Variants in RIPOR1 observed in about 807,000 individuals in gnomAD.
The protein encoded by RIPOR1 is rho family-interacting cell polarization regulator 1.
A neutral mutation model predicts 116.5 loss-of-function variants in RIPOR1; 58 were observed. The observed-to-expected ratio is 0.50, with a 90% CI of 0.40 to 0.62. RIPOR1 has a LOEUF of 0.62. Ranked by LOEUF, RIPOR1 falls within the 20% of genes least tolerant of loss-of-function variation. The pLI, the probability that RIPOR1 is intolerant of heterozygous loss-of-function variation, is 0.00. For missense variants in RIPOR1, 1,372 were observed against 1,586.2 expected (o/e 0.86, Z 2.29); for synonymous variants, 605 against 650.0 (o/e 0.93, Z 1.05).
At chr16:67,522,860 GTTTC>G (rs2050506520) in intron 1 of RIPOR1, among the ~76,000 whole-genome samples, 1 of 151,702 alleles carries the variant, frequency 6.6e-6, no homozygotes, top group Non-Finnish European at 1.5e-5. Flanking sequence ...TTCAGTGACT[GTTTC>G]TTTCCTGTCA....
chr16:67,523,521 T>TAAAA (rs1169903442), intron 1 of RIPOR1, among the ~76,000 whole-genome samples: 6 of 44,060 alleles, frequency 1.4e-4, no homozygotes, highest in South Asian at 1.1e-3. Flanking sequence ...CAAGACTCCA[T>TAAAA]AAAAAAAAAA....
At chr16:67,534,818 T>C (rs2050750040) in intron 1 of RIPOR1, among the ~76,000 whole-genome samples, 1 of 151,276 alleles carries the variant, frequency 6.6e-6, no homozygotes, top group South Asian at 2.1e-4. Flanking sequence ...GGACAGTTTC[T>C]AGGGTTTTCT....
intron 1 of RIPOR1, among the ~76,000 whole-genome samples, chr16:67,522,960 A>G (rs368507858): frequency 6.6e-6 from 1 of 151,998 alleles, no homozygotes; most frequent in South Asian, 2.1e-4. Flanking sequence ...CCACCACTCC[A>G]AACCACATTA....
intron 1 of RIPOR1, among the ~76,000 whole-genome samples, chr16:67,520,464 A>AG (rs56027612): frequency 2.0e-5 from 3 of 151,724 alleles, no homozygotes; most frequent in African/African-American, 7.3e-5. Flanking sequence ...AGAGAAGAGA[A>AG]AAAAGAAAAG....
Position 67,541,246 on chromosome 16 carries a change from T to C in RIPOR1, c.802-184T>C. On this transcript the variant is annotated intron_variant, in intron 10 of 21. Transcript: ENST00000042381. This position sits in a 1 kb window ranked among gnomAD's most constrained non-coding sequence, Gnocchi z 4.6. ...GCCTGGCTAAAAATTTTTTTTTTTT[T>C]TTTTTTTGAGACAGAGTCTTGCCAT... 1.9e-6 allele frequency: 1 copy of C among 535,920 alleles called. No homozygotes were observed. The highest frequency in any genetic ancestry group is 3.1e-6 in the Non-Finnish European group (1 of 323,218). 33.2% of individuals were successfully genotyped at this position (535,920 alleles called of 1,614,324 possible).
chr16:67,545,456 G>C lies in RIPOR1; in HGVS notation c.3112G>C (p.Val1038Leu). 6.2e-7 allele frequency: 1 copy of C among 1,614,066 alleles called. No homozygotes were observed. The highest frequency in any genetic ancestry group is 8.5e-7 in the Non-Finnish European group (1 of 1,180,032). Residue 1038 changes from valine to leucine, a missense_variant, in exon 18 of 22, where the codon GTC becomes CTC. This residue lies in a region of RIPOR1 where 1,005 missense variants were observed against 1,144.7 expected (regional missense o/e 0.88). Coordinates refer to ENST00000042381, the MANE Select transcript of RIPOR1 (RefSeq NM_024519.4). The surrounding 1 kb of genome is among the most constrained non-coding windows in gnomAD (Gnocchi z 4.8). ...GCCAGGGCCTGGAGAGCAGCTCACA[G>C]TCTTCCAGTTCTGGAGTTTTGTGGA... Reference protein sequence around the residue: ...PQPGPGEQLTVFQFWSFVETL... With the variant: ...PQPGPGEQLTLFQFWSFVETL...
chr16:67,541,849 C>T lies in RIPOR1; in HGVS notation c.1081-18C>T, dbSNP rs753739666. 6.2e-7 allele frequency: 1 copy of T among 1,611,530 alleles called. No individual in the cohort carries two copies. The highest frequency in any genetic ancestry group is 8.5e-7 in the Non-Finnish European group (1 of 1,178,082). On this transcript the variant is annotated intron_variant, in intron 12 of 21. Transcript: ENST00000042381. This position sits in a 1 kb window ranked among gnomAD's most constrained non-coding sequence, Gnocchi z 4.6. ...GCTCCCTGGGGGTGGTTCTGAAATG[C>T]CCTCTCCTCTTTCTCAGAACATGCT...
chr16:67,545,402 C>T lies in RIPOR1; in HGVS notation c.3058C>T (p.Leu1020=), dbSNP rs2051131579. 6.2e-7 allele frequency: 1 copy of T among 1,613,892 alleles called. No homozygotes were observed. Among genetic ancestry groups the T allele is most frequent in the Non-Finnish European group, 8.5e-7 (1 of 1,180,026 alleles). The change falls in exon 18 of 22, where the codon CTG becomes TTG. Residue 1020 remains leucine, a synonymous_variant. Coordinates refer to ENST00000042381, the MANE Select transcript of RIPOR1 (RefSeq NM_024519.4). The surrounding 1 kb of genome is among the most constrained non-coding windows in gnomAD (Gnocchi z 4.8). ...AVCVKFLEDA[L]GQKLPRRPQP... Reference sequence around the variant, plus strand: ...GTGTGTGAAGTTCCTGGAGGATGCCCTGGGGCAGAAGCTGCCCAGAAGGCC... The same window carrying T: ...GTGTGTGAAGTTCCTGGAGGATGCCTTGGGGCAGAAGCTGCCCAGAAGGCC...
Position 67,541,766 on chromosome 16 carries a change from G to C in RIPOR1, c.1064G>C (p.Arg355Pro), listed in dbSNP as rs754458713. The change falls in exon 12 of 22, where the codon CGG becomes CCG. Residue 355 changes from arginine to proline, a missense_variant. Transcript: ENST00000042381. The surrounding 1 kb of genome is among the most constrained non-coding windows in gnomAD (Gnocchi z 4.6). The stretch of plus-strand genomic sequence containing the variant: ...AGCCCACCGGACACACCCTCACTTC[G>C]GGAACAGGCTTTCTATGTGAGTCAT... ...SQSPPDTPSLREQAFYNMLRR... is the reference protein window; with the variant it reads ...SQSPPDTPSLPEQAFYNMLRR... 1.2e-6 allele frequency: 2 copies of C among 1,613,862 alleles called. No individual in the cohort carries two copies. The highest frequency in any genetic ancestry group is 1.7e-6 in the Non-Finnish European group (2 of 1,179,986).
At position 67,545,870 on chromosome 16, in the gene RIPOR1, A is replaced by T; in HGVS notation, c.3387+10A>T. 6.2e-7 allele frequency: 1 copy of T among 1,609,024 alleles called. No individual in the cohort carries two copies. ...TACCTTCCGGGAGAGGGTGAGTTGGACAGGGCTCCCTTGAGGGCGAGGGCT... is the reference window on the plus strand; with the variant it reads ...TACCTTCCGGGAGAGGGTGAGTTGGTCAGGGCTCCCTTGAGGGCGAGGGCT... On this transcript the variant is annotated intron_variant, in intron 19 of 21. Coordinates refer to ENST00000042381, the MANE Select transcript of RIPOR1 (RefSeq NM_024519.4). This position sits in a 1 kb window ranked among gnomAD's most constrained non-coding sequence, Gnocchi z 4.8.
Position 67,540,604 on chromosome 16 carries a change from G to A in RIPOR1, c.701G>A (p.Arg234His), listed in dbSNP as rs1393747635. Residue 234 changes from arginine (R) to histidine (H), a missense_variant, in exon 10 of 22, where the codon CGC (arginine) becomes CAC (histidine). Physicochemically the swap from Arg to His is conservative, Grantham distance 29. Around this residue, in one of 3 missense-constraint regions of RIPOR1, gnomAD observed 202 missense variants for 295.9 expected, o/e 0.68. Transcript: ENST00000042381. The surrounding 1 kb of genome is among the most constrained non-coding windows in gnomAD (Gnocchi z 4.7). Reference protein sequence around the residue: ...YEICMKYGRQRWKLRGRIEGS... With the variant: ...YEICMKYGRQHWKLRGRIEGS... ...ATCTGCATGAAATATGGGCGTCAGC[G>A]CTGGAAACTACGGGGCCGAATTGAG... 6 of 1,613,940 alleles carry A rather than the reference G, an allele frequency of 3.7e-6. No individual in the cohort carries two copies. Among genetic ancestry groups the A allele is most frequent in the East Asian group, 2.2e-5 (1 of 44,866 alleles).
chr16:67,535,140 G>A (rs1165827659), intron 1 of RIPOR1, among the ~76,000 whole-genome samples: 2 of 152,128 alleles, frequency 1.3e-5, no homozygotes, highest in Admixed American at 1.3e-4. Context: ...ACCACACCCA[G>A]CCCGTTTTTA....
chr16:67,528,987 G>A (rs112474768), intron 1 of RIPOR1, 73 bp downstream of exon 1: 3 of 170,130 alleles, frequency 1.8e-5, no homozygotes, highest in South Asian at 9.8e-5. Context: ...GTGCCCCCCC[G>A]CCGGCGCCGC....
At position 67,543,577 on chromosome 16, in the gene RIPOR1, CA is replaced by C; in HGVS notation, c.2600+109del. 1 of 1,466,706 alleles carries C rather than the reference CA, an allele frequency of 6.8e-7. No individual in the cohort carries two copies. Among genetic ancestry groups the C allele is most frequent in the Non-Finnish European group, 9.2e-7 (1 of 1,091,966 alleles). The allele number at this position is 1,466,706 out of a possible 1,614,324, so 90.9% of individuals were successfully genotyped here. A position where few individuals can be genotyped will look rare whatever the true frequency, so the allele number is the denominator to read the frequency against. ...ATTGGGAGAAAGTCAAAGGACAGGA[CA>C]GGTGAGGCAGGGCCAGGTGGAGCAT... On this transcript the variant is annotated intron_variant, in intron 14 of 21. Transcript: ENST00000042381. The surrounding 1 kb of genome is among the most constrained non-coding windows in gnomAD (Gnocchi z 4.7).
At chr16:67,520,905 T>A (rs190446055) in intron 1 of RIPOR1, among the ~76,000 whole-genome samples, 5 of 152,080 alleles carry the variant, frequency 3.3e-5, no homozygotes, top group African/African-American at 4.8e-5. Flanking sequence ...AATCCTTCTC[T>A]TGGATCACAG....
chr16:67,518,900 G>C, intron 1 of RIPOR1, among the ~76,000 whole-genome samples: 1 of 152,214 alleles, frequency 6.6e-6, no homozygotes, highest in Non-Finnish European at 1.5e-5. Context: ...CCAGCCTGCG[G>C]TCCAGGAAAC....
intron 1 of RIPOR1, among the ~76,000 whole-genome samples, chr16:67,536,393 A>G (rs1324214252): frequency 6.6e-6 from 1 of 152,110 alleles, no homozygotes; most frequent in African/African-American, 2.4e-5. Flanking sequence ...GGTTGCAGTG[A>G]GCCAAGATCG....
chr16:67,519,398 G>A (rs1259495184), intron 1 of RIPOR1, among the ~76,000 whole-genome samples: 1 of 152,168 alleles, frequency 6.6e-6, no homozygotes. Context: ...CCCTCCTAAG[G>A]AGGAACTGGC....
rs139786497 is a variant in RIPOR1 at position 67,540,142 on chromosome 16, G to A, written c.504G>A (p.Pro168=). The part of the protein sequence containing the change: ...NMVRAYTTGS[P]GSREARDSLA... The stretch of plus-strand genomic sequence containing the variant: ...TCCGTGCCTACACCACTGGGTCCCC[G>A]GGAAGCCGAGAGGCCCGGGACAGCC... Residue 168 remains proline, a synonymous_variant, in exon 7 of 22, where the codon CCG becomes CCA. Transcript: ENST00000042381. This position sits in a 1 kb window ranked among gnomAD's most constrained non-coding sequence, Gnocchi z 4.7. 61 of 1,614,076 alleles carry A rather than the reference G, an allele frequency of 3.8e-5. No homozygotes were observed. Among genetic ancestry groups the A allele is most frequent in the Admixed American group, 6.7e-5 (4 of 60,004 alleles).
Sources: allele counts gnomAD v4.1 joint callset (sites outside exome capture counted in the v4.1 genomes callset), GRCh38; gene constraint gnomAD v4.1.1; regional missense constraint gnomAD v4.1.1; non-coding constraint Gnocchi (gnomAD v3.1); transcripts MANE v1.5; gene names NCBI Gene and HGNC (gene_info 2026-07-23, HGNC 2026-07-21).